Variants in KLHL6 observed in about 807,000 individuals in gnomAD.
KLHL6 encodes kelch-like protein 6.
In KLHL6, 41 loss-of-function variants were observed where a neutral mutation model predicts 58.6. That is an observed-to-expected ratio of 0.70 (90% CI 0.55 to 0.91). The LOEUF (loss-of-function observed/expected upper bound fraction) is 0.91, where lower values mean the gene tolerates loss of function less well. Ranked by LOEUF, KLHL6 falls within the 40% of genes least tolerant of loss-of-function variation. KLHL6 has a pLI of 0.00. For synonymous variants in KLHL6, 338 were observed against 322.7 expected (o/e 1.05, Z -0.51); for missense variants, 714 against 805.6 (o/e 0.89, Z 1.38).
At chr3:183,507,998 G>A in intron 3 of KLHL6, 61 bp downstream of exon 3, 1 of 1,448,732 alleles carries the variant, frequency 6.9e-7, no homozygotes. Context: ...GCATCTCTGT[G>A]AGCCCCTAGC....
intron 1 of KLHL6, among the ~76,000 whole-genome samples, chr3:183,553,977 CAAAAA>C (rs59243986): frequency 7.8e-6 from 1 of 127,626 alleles, no homozygotes; most frequent in African/African-American, 2.8e-5. Context: ...CCAAGCACCT[CAAAAA>C]AAAAAAAAAG....
chr3:183,536,317 G>A (rs1460724469), intron 1 of KLHL6, among the ~76,000 whole-genome samples: 1 of 152,240 alleles, frequency 6.6e-6, no homozygotes, highest in East Asian at 1.9e-4. Context: ...AGGAGGCAAG[G>A]GCCGTGATAC....
chr3:183,533,444 T>A lies in KLHL6; in HGVS notation c.294-5434A>T, dbSNP rs114812559. Among the ~76,000 whole-genome samples the A allele has an allele frequency of 7.3e-3, 1,106 of 151,636 alleles. 10 individuals carry two copies. Among genetic ancestry groups the A allele is most frequent in the African/African-American group, 0.026 (1,056 of 41,332 alleles). On this transcript the variant is annotated intron_variant, in intron 1 of 6. Transcript: ENST00000341319. Reference sequence around the variant, plus strand: ...ACCCACACCCAACTTTTTTTTTTTTTAATTTTTGTAGAGACAAGGTCCCAC... The same window carrying A: ...ACCCACACCCAACTTTTTTTTTTTTAAATTTTTGTAGAGACAAGGTCCCAC...
chr3:183,521,887 G>T (rs1267867376), intron 2 of KLHL6: 2 of 150,660 alleles, frequency 1.3e-5, no homozygotes, highest in African/African-American at 4.9e-5. Context: ...AGAGACAGGG[G>T]TTTCACCATG....
chr3:183,491,873 G>A lies in KLHL6; in HGVS notation c.*54C>T, dbSNP rs1236600648. ...GAAGTGGGACTGGAGGAGGGTGAGA[G>A]GTGAGGCGGGTACGCTGAGGGTCGG... On this transcript the variant is annotated 3_prime_UTR_variant, in exon 7 of 7. Transcript: ENST00000341319. The A allele has an allele frequency of 2.8e-6, 4 of 1,410,470 alleles. No homozygotes were observed. Among genetic ancestry groups the A allele is most frequent in the East Asian group, 2.6e-5 (1 of 38,850 alleles). The allele number at this position is 1,410,470 out of a possible 1,614,324, so 87.4% of individuals were successfully genotyped here. A position where few individuals can be genotyped will look rare whatever the true frequency, so the allele number is the denominator to read the frequency against.
intron 1 of KLHL6, among the ~76,000 whole-genome samples, chr3:183,554,353 T>C (rs1044696411): frequency 2.0e-5 from 3 of 152,244 alleles, no homozygotes; most frequent in Non-Finnish European, 4.4e-5. Context: ...TGCTAGACAC[T>C]GTGTAGGACC....
At chr3:183,528,788 G>A (rs1378925411) in intron 1 of KLHL6, among the ~76,000 whole-genome samples, 1 of 152,114 alleles carries the variant, frequency 6.6e-6, no homozygotes, top group Non-Finnish European at 1.5e-5. Context: ...TATTTTTTAA[G>A]TTTATTGTAA....
chr3:183,544,163 CAAAAAAAAAAAA>C (rs56357226), intron 1 of KLHL6, among the ~76,000 whole-genome samples: 7 of 57,008 alleles, frequency 1.2e-4, no homozygotes, highest in Non-Finnish European at 2.1e-4. Flanking sequence ...AACTCAGTCT[CAAAAAAAAAAAA>C]AAAAAAAAAA....
chr3:183,546,222 A>G (rs1378445140), intron 1 of KLHL6, among the ~76,000 whole-genome samples: 1 of 152,236 alleles, frequency 6.6e-6, no homozygotes, highest in Non-Finnish European at 1.5e-5. Flanking sequence ...CTCAGGATCC[A>G]TATCTCTGAT....
chr3:183,542,157 C>T (rs1287179582), intron 1 of KLHL6, among the ~76,000 whole-genome samples: 1 of 152,172 alleles, frequency 6.6e-6, no homozygotes, highest in African/African-American at 2.4e-5. Flanking sequence ...CATCTCCTCT[C>T]ACTGAAATTT....
At chr3:183,555,336 T>G (rs752317605) in intron 1 of KLHL6, 25 bp downstream of exon 1, 1 of 1,606,500 alleles carries the variant, frequency 6.2e-7, no homozygotes. Context: ...GCACCCAATT[T>G]GACTCTGGTC....
chr3:183,550,424 T>TAC (rs368493113), intron 1 of KLHL6, among the ~76,000 whole-genome samples: 12 of 151,232 alleles, frequency 7.9e-5, no homozygotes, highest in East Asian at 1.9e-4. Flanking sequence ...AAAACACACA[T>TAC]ACACACACAC....
chr3:183,492,398 C>T lies in KLHL6; in HGVS notation c.1564+96G>A. The T allele has an allele frequency of 7.1e-7, 1 of 1,404,624 alleles. No homozygotes were observed. The highest frequency in any genetic ancestry group is 1.3e-5 in the South Asian group (1 of 76,418). 87.0% of individuals were successfully genotyped at this position (1,404,624 alleles called of 1,614,324 possible). On this transcript the variant is annotated intron_variant, in intron 6 of 6. Transcript: ENST00000341319. The surrounding 1 kb of genome is among the most constrained non-coding windows in gnomAD (Gnocchi z 5.9). The stretch of plus-strand genomic sequence containing the variant: ...AGTGGGTCCTAGGGGCAGTGAGTTG[C>T]CAGCGCTGGAGACACCGCGACACAC...
At chr3:183,543,900 A>T (rs1712631683) in intron 1 of KLHL6, among the ~76,000 whole-genome samples, 1 of 152,232 alleles carries the variant, frequency 6.6e-6, no homozygotes, top group Non-Finnish European at 1.5e-5. Context: ...GTGGTGGCTC[A>T]CGCCTGTAAT....
intron 1 of KLHL6, among the ~76,000 whole-genome samples, chr3:183,545,787 A>T (rs1437405484): frequency 2.6e-5 from 4 of 152,166 alleles, no homozygotes; most frequent in Non-Finnish European, 5.9e-5. Context: ...AATCCATAAT[A>T]TTCTGAGGCA....
intron 3 of KLHL6, among the ~76,000 whole-genome samples, chr3:183,506,957 G>A (rs149828206): frequency 1.3e-5 from 2 of 152,298 alleles, no homozygotes; most frequent in African/African-American, 4.8e-5. Context: ...GAAGAGAAAA[G>A]CATTTGAACA....
At chr3:183,527,326 G>A (rs1308909813) in intron 2 of KLHL6, among the ~76,000 whole-genome samples, 2 of 152,162 alleles carry the variant, frequency 1.3e-5, no homozygotes, top group South Asian at 2.1e-4. Flanking sequence ...TGAGTCAAGT[G>A]ACTAGCAGGA....
intron 2 of KLHL6, among the ~76,000 whole-genome samples, chr3:183,511,718 C>T (rs765958706): frequency 2.4e-4 from 36 of 152,306 alleles, no homozygotes; most frequent in Non-Finnish European, 4.9e-4. Flanking sequence ...TAACAAGGCA[C>T]ATCCTGCACA....
intron 1 of KLHL6, among the ~76,000 whole-genome samples, chr3:183,534,952 T>TATA (rs1560107532): frequency 7.2e-6 from 1 of 138,230 alleles, no homozygotes. Flanking sequence ...ATATATATAT[T>TATA]TTTTTTTTTT....
Sources: allele counts gnomAD v4.1 joint callset (sites outside exome capture counted in the v4.1 genomes callset), GRCh38; gene constraint gnomAD v4.1.1; non-coding constraint Gnocchi (gnomAD v3.1); transcripts MANE v1.5; gene names NCBI Gene and HGNC (gene_info 2026-07-23, HGNC 2026-07-21).